The following THADA variants were observed in gnomAD, a reference collection of about 807,000 sequenced individuals.
THADA encodes the protein tRNA (32-2'-O)-methyltransferase regulator THADA.
A neutral mutation model predicts 219.8 loss-of-function variants in THADA; 213 were observed. That is an observed-to-expected ratio of 0.97 (90% CI 0.87 to 1.09). THADA has a LOEUF of 1.09. Ranked by LOEUF, THADA falls within the 50% of genes least tolerant of loss-of-function variation. The pLI, the probability that THADA is intolerant of heterozygous loss-of-function variation, is 0.00. For missense variants in THADA, 2,956 were observed against 2,311.3 expected (o/e 1.28, Z -5.72); for synonymous variants, 1,018 against 828.9 (o/e 1.23, Z -3.92).
intron 29 of THADA, among the ~76,000 whole-genome samples, chr2:43,386,897 C>CAAAAAAAA (rs548365391): frequency 3.1e-5 from 3 of 97,302 alleles, no homozygotes; most frequent in African/African-American, 6.9e-5. Context: ...GATTTCCTCT[C>CAAAAAAAA]AAAAAAAAAA....
In THADA at chr2:43,428,296, A is replaced by C. The variant is rs1239250499; in HGVS notation, c.3927-65T>G. ...AGGTAGTGAAGCACTCCTCCTTCAA[A>C]CATTTTTCTCATGAAATAATTATGT... is the stretch of plus-strand genomic sequence containing the variant. On this transcript the variant is annotated intron_variant, in intron 27 of 37. Transcript: ENST00000405975. 2.7e-6 allele frequency: 4 copies of C among 1,456,476 alleles called. No individual in the cohort carries two copies. In the African/African-American group the frequency reaches 5.7e-5, roughly 21 times the overall value. 90.2% of individuals were successfully genotyped at this position (1,456,476 alleles called of 1,614,324 possible).
chr2:43,493,513 G>A (rs924304333), intron 25 of THADA, among the ~76,000 whole-genome samples: 1 of 152,062 alleles, frequency 6.6e-6, no homozygotes, highest in African/African-American at 2.4e-5. Flanking sequence ...TAAACCCAGT[G>A]TGGGTCTTAG....
intron 20 of THADA, among the ~76,000 whole-genome samples, chr2:43,545,271 T>C (rs1033854324): frequency 2.6e-5 from 4 of 151,598 alleles, no homozygotes; most frequent in Non-Finnish European, 4.4e-5. Flanking sequence ...CTGGATTCGG[T>C]TTGCCAGTAT....
intron 36 of THADA, among the ~76,000 whole-genome samples, chr2:43,269,556 C>A (rs1437753918): frequency 6.6e-6 from 1 of 152,222 alleles, no homozygotes; most frequent in Non-Finnish European, 1.5e-5. Flanking sequence ...GGGGCCCAGG[C>A]TCTCTGGAAC....
intron 29 of THADA, among the ~76,000 whole-genome samples, chr2:43,396,366 C>T (rs1039342229): frequency 6.6e-6 from 1 of 152,206 alleles, no homozygotes. Flanking sequence ...ATGTGTTCAG[C>T]CAGCACTTAG....
rs1574385075 is a variant in THADA at position 43,586,989 on chromosome 2, G to C, written c.316C>G (p.Leu106Val). ...GCCTCAGGTAGAAAAAAATCAGGCA[G>C]GCTATTTAGTGAGCTAGAAAAAGAA... Reference protein sequence around the residue: ...KKVLASSLNSLPDFFLPEAMH... With the variant: ...KKVLASSLNSVPDFFLPEAMH... Residue 106 changes from leucine (L) to valine (V), a missense_variant, in exon 5 of 38, where the codon CTG becomes GTG. By Grantham distance (32) the Leu-to-Val change is conservative. Transcript: ENST00000405975. 6.2e-7 allele frequency: 1 copy of C among 1,613,022 alleles called. No homozygotes were observed. The highest frequency in any genetic ancestry group is 1.3e-5 in the African/African-American group (1 of 74,882).
rs142778609 is a variant in THADA at position 43,242,508 on chromosome 2, T to C, written c.5297-9626A>G. Among the ~76,000 whole-genome samples, 6 of 152,180 alleles carry C rather than the reference T, an allele frequency of 3.9e-5. No homozygotes were observed. The East Asian group carries it at 1.2e-3, about 29-fold the overall frequency. ...TATTCTTTTTTCTTTTTTTTTTCTG[T>C]GCAGACAAGGTCTGGCTCTGCCACC... On this transcript the variant is annotated intron_variant, in intron 36 of 37. Coordinates refer to ENST00000405975, the MANE Select transcript of THADA (RefSeq NM_022065.5).
intron 32 of THADA, among the ~76,000 whole-genome samples, chr2:43,292,443 G>C (rs1347061992): frequency 4.6e-5 from 7 of 152,156 alleles, no homozygotes; most frequent in African/African-American, 1.7e-4. Flanking sequence ...CAGATGCCCT[G>C]ATTTTAGGCC....
chr2:43,315,312 C>G (rs558410146), intron 31 of THADA, among the ~76,000 whole-genome samples: 2 of 152,260 alleles, frequency 1.3e-5, no homozygotes, highest in Admixed American at 1.3e-4. Context: ...TCCCACCATT[C>G]TAAAATAATT....
At chr2:43,371,040 G>A (rs922076460) in intron 29 of THADA, among the ~76,000 whole-genome samples, 1 of 152,200 alleles carries the variant, frequency 6.6e-6, no homozygotes, top group African/African-American at 2.4e-5. Flanking sequence ...CTGCTTTGAA[G>A]TGAACACTGA....
chr2:43,268,331 C>A (rs1463156109), intron 36 of THADA, among the ~76,000 whole-genome samples: 1 of 152,150 alleles, frequency 6.6e-6, no homozygotes, highest in Non-Finnish European at 1.5e-5. Flanking sequence ...GTACTCTTTA[C>A]AAACAGACAC....
intron 35 of THADA, among the ~76,000 whole-genome samples, chr2:43,284,151 C>T (rs151004942): frequency 0.038 from 5,755 of 152,154 alleles, 174 homozygotes; most frequent in South Asian, 0.17. Flanking sequence ...TGCACTGCAG[C>T]CTGGAAAACA....
At chr2:43,277,802 G>T (rs1357627665) in intron 36 of THADA, among the ~76,000 whole-genome samples, 1 of 152,210 alleles carries the variant, frequency 6.6e-6, no homozygotes, top group Non-Finnish European at 1.5e-5. Context: ...TACTTTTAAG[G>T]TAGTCAAGAT....
At chr2:43,420,013 T>C (rs1677491106) in intron 28 of THADA, among the ~76,000 whole-genome samples, 1 of 152,198 alleles carries the variant, frequency 6.6e-6, no homozygotes, top group Non-Finnish European at 1.5e-5. Context: ...TATGATGCCT[T>C]CCAAGTTATG....
At chr2:43,259,845 A>C (rs1420859643) in intron 36 of THADA, among the ~76,000 whole-genome samples, 3 of 152,212 alleles carry the variant, frequency 2.0e-5, no homozygotes, top group Non-Finnish European at 1.5e-5. Context: ...AATTTACTAA[A>C]AGGGAATTGC....
intron 29 of THADA, among the ~76,000 whole-genome samples, chr2:43,367,217 A>G (rs1307973041): frequency 1.3e-5 from 2 of 152,232 alleles, no homozygotes; most frequent in Non-Finnish European, 2.9e-5. Context: ...ATGGGTATAG[A>G]GTTTCAGTTC....
At chr2:43,322,846 C>T (rs910317749) in intron 30 of THADA, among the ~76,000 whole-genome samples, 4 of 151,722 alleles carry the variant, frequency 2.6e-5, no homozygotes, top group Admixed American at 6.6e-5. Flanking sequence ...CCGCCACGCC[C>T]GGCTAATTTT....
chr2:43,415,339 C>G (rs1462203217), intron 28 of THADA, among the ~76,000 whole-genome samples: 1 of 152,026 alleles, frequency 6.6e-6, no homozygotes, highest in Non-Finnish European at 1.5e-5. Flanking sequence ...TTTCAATTAC[C>G]CTAGGGGTAA....
intron 34 of THADA, 135 bp from the exon 35 acceptor site, chr2:43,287,196 G>C (rs1175378970): frequency 1.4e-6 from 1 of 721,804 alleles, no homozygotes; most frequent in Non-Finnish European, 2.2e-6. Context: ...TTTTTTAGTT[G>C]CTTTTCGATT....
Sources: allele counts gnomAD v4.1 joint callset (sites outside exome capture counted in the v4.1 genomes callset), GRCh38; gene constraint gnomAD v4.1.1; transcripts MANE v1.5; gene names NCBI Gene and HGNC (gene_info 2026-07-23, HGNC 2026-07-21).